OPRM1: variants seen among roughly 807,000 people sequenced by gnomAD.
OPRM1 encodes the protein mu-type opioid receptor.
In OPRM1, 27 loss-of-function variants were observed where a neutral mutation model predicts 31.8. The ratio of observed to expected loss-of-function variants is 0.85; its 90% CI spans 0.63 to 1.17. The LOEUF (loss-of-function observed/expected upper bound fraction) is 1.17, where lower values mean the gene tolerates loss of function less well. Among genes scored for constraint, OPRM1 ranks in the 50% most tolerant of loss-of-function variants. The pLI is 0.00. For synonymous variants in OPRM1, 196 were observed against 189.9 expected (o/e 1.03, Z -0.26); for missense variants, 536 against 511.1 (o/e 1.05, Z -0.47).
intron 3 of OPRM1, among the ~76,000 whole-genome samples, chr6:154,215,419 C>G (rs1028247388): frequency 6.6e-6 from 1 of 152,014 alleles, no homozygotes; most frequent in East Asian, 1.9e-4. Flanking sequence ...GCCTGACCAA[C>G]AGGGAGAAAC....
In OPRM1 at chr6:154,122,742, A is replaced by G. The variant is rs1309740678; in HGVS notation, c.*4021A>G. On this transcript the variant is annotated 3_prime_UTR_variant, in exon 4 of 4. Transcript: ENST00000330432. The stretch of plus-strand genomic sequence containing the variant: ...AACCTTTTGTTATGCAATATCACCC[A>G]TATCAAATACCATTCTTAAAGCAGT... 1.3e-5 allele frequency among the ~76,000 whole-genome samples: 2 copies of G among 152,186 alleles called. No individual in the cohort carries two copies. The highest frequency in any genetic ancestry group is 4.8e-5 in the African/African-American group (2 of 41,438).
At chr6:154,197,140 C>T (rs1583771924) in intron 3 of OPRM1, among the ~76,000 whole-genome samples, 1 of 152,094 alleles carries the variant, frequency 6.6e-6, no homozygotes, top group Non-Finnish European at 1.5e-5. Context: ...AGATTTCTAT[C>T]CCTGATATAA....
intron 2 of OPRM1, among the ~76,000 whole-genome samples, chr6:154,090,704 T>A (rs1791908871): frequency 6.6e-6 from 1 of 152,230 alleles, no homozygotes; most frequent in African/African-American, 2.4e-5. Flanking sequence ...TCATTTTTGT[T>A]CCCTGAACGA....
chr6:154,088,913 C>T (rs538574816), intron 1 of OPRM1, among the ~76,000 whole-genome samples: 8 of 152,214 alleles, frequency 5.3e-5, no homozygotes, highest in Admixed American at 3.9e-4. Flanking sequence ...TTGGGGTTCT[C>T]TCTGTTACCT....
chr6:154,041,869 T>C (rs570013351), intron 1 of OPRM1, among the ~76,000 whole-genome samples: 33 of 152,362 alleles, frequency 2.2e-4, no homozygotes, highest in African/African-American at 7.7e-4. Context: ...TTCCTCATTT[T>C]TCTACCCTTT....
intron 3 of OPRM1, among the ~76,000 whole-genome samples, chr6:154,115,516 G>C (rs1477761173): frequency 6.6e-6 from 1 of 152,126 alleles, no homozygotes; most frequent in Non-Finnish European, 1.5e-5. Context: ...CTCCAGCCTG[G>C]GTGACAGAGT....
At chr6:154,027,537 A>G (rs933018718) in intron 1 of OPRM1, among the ~76,000 whole-genome samples, 2 of 152,186 alleles carry the variant, frequency 1.3e-5, no homozygotes, top group African/African-American at 2.4e-5. Context: ...GGCAAAGCCA[A>G]CCAGGCCTGT....
chr6:154,139,938 G>C (rs1057421059), intron 3 of OPRM1, among the ~76,000 whole-genome samples: 8 of 152,100 alleles, frequency 5.3e-5, no homozygotes, highest in Admixed American at 3.3e-4. Context: ...TTATCTCTTG[G>C]GGGGAACAAA....
At chr6:154,034,281 AC>A (rs1779168869), upstream of OPRM1, among the ~76,000 whole-genome samples, 1 of 152,232 alleles carries the variant, frequency 6.6e-6, no homozygotes, top group South Asian at 2.1e-4. Context: ...GCGGTGGCTC[AC>A]GCCTGTAATC....
chr6:154,224,193 T>G (rs964546815), intron 3 of OPRM1, among the ~76,000 whole-genome samples: 3 of 152,226 alleles, frequency 2.0e-5, no homozygotes, highest in Non-Finnish European at 4.4e-5. Context: ...GAAAATACAA[T>G]CTTAATTTTA....
At chr6:154,066,750 G>A (rs1309175880) in intron 1 of OPRM1, among the ~76,000 whole-genome samples, 1 of 152,070 alleles carries the variant, frequency 6.6e-6, no homozygotes, top group African/African-American at 2.4e-5. Context: ...GCACCTGCAA[G>A]CCAGGAAAAA....
At chr6:154,090,335 A>ATAGGAAT (rs1159987822) in intron 2 of OPRM1, among the ~76,000 whole-genome samples, 157 bp downstream of exon 2, 1 of 152,232 alleles carries the variant, frequency 6.6e-6, no homozygotes, top group Admixed American at 6.5e-5. Flanking sequence ...ATACTTAAAA[A>ATAGGAAT]TAGGAATTTT....
At chr6:154,197,282 A>G (rs1452570152) in intron 3 of OPRM1, among the ~76,000 whole-genome samples, 1 of 152,242 alleles carries the variant, frequency 6.6e-6, no homozygotes, top group East Asian at 1.9e-4. Flanking sequence ...CATGTAAAAA[A>G]AAATGCACAA....
intron 3 of OPRM1, among the ~76,000 whole-genome samples, chr6:154,180,291 T>C (rs952108922): frequency 6.6e-6 from 1 of 151,558 alleles, no homozygotes. Flanking sequence ...GTCAGACTCC[T>C]AAACTTTCTT....
At chr6:154,042,504 T>A (rs142907453) in intron 1 of OPRM1, among the ~76,000 whole-genome samples, 6 of 152,336 alleles carry the variant, frequency 3.9e-5, no homozygotes, top group African/African-American at 1.4e-4. Context: ...AATGTTTTAG[T>A]ACATTGAGTG....
intron 1 of OPRM1, among the ~76,000 whole-genome samples, chr6:154,085,582 G>T (rs1309218016): frequency 6.6e-6 from 1 of 152,198 alleles, no homozygotes; most frequent in Non-Finnish European, 1.5e-5. Context: ...TATCAGGATG[G>T]CCTGTGAGTC....
intron 3 of OPRM1, chr6:154,157,807 G>A (rs1381807212): frequency 6.6e-6 from 1 of 152,140 alleles, no homozygotes; most frequent in Non-Finnish European, 1.5e-5. Flanking sequence ...TTTCCCTTCT[G>A]GTATCTGCTA....
chr6:154,136,432 T>C (rs1228558599), downstream of OPRM1, among the ~76,000 whole-genome samples: 1 of 152,200 alleles, frequency 6.6e-6, no homozygotes, highest in Admixed American at 6.5e-5. Context: ...TGACTCTTCT[T>C]GTAAAATAAT....
rs140769828 is a variant in OPRM1, at chr6:154,206,303, C to T, written c.1165-40390C>T. On this transcript the variant is annotated intron_variant, in intron 3 of 3. Transcript: ENST00000337049. ...TCTGTGAGAGTCAAATGAAATCATTCTTCTCAAAGCCATGCAAAAGCACTA... is the reference window on the plus strand; with the variant it reads ...TCTGTGAGAGTCAAATGAAATCATTTTTCTCAAAGCCATGCAAAAGCACTA... Among the ~76,000 whole-genome samples the T allele has an allele frequency of 7.1e-3, 1,074 of 152,296 alleles. 11 individuals are homozygous for T. The highest frequency in any genetic ancestry group is 0.011 in the Non-Finnish European group (729 of 68,026).
Sources: allele counts gnomAD v4.1 joint callset (sites outside exome capture counted in the v4.1 genomes callset), GRCh38; gene constraint gnomAD v4.1.1; transcripts MANE v1.5; gene names NCBI Gene and HGNC (gene_info 2026-07-23, HGNC 2026-07-21).